Variants in LY75 observed in about 807,000 individuals in gnomAD.
LY75 encodes the protein lymphocyte antigen 75, also known as C-type lectin domain family 13 member B.
LY75 carries 185 observed loss-of-function variants against 231.7 expected under a neutral mutation model. The ratio of observed to expected loss-of-function variants is 0.80; its 90% CI spans 0.71 to 0.90. The LOEUF (loss-of-function observed/expected upper bound fraction) is 0.90. LY75 is among the 40% of genes least tolerant of loss of function. The pLI, the probability that LY75 is intolerant of heterozygous loss-of-function variation, is 0.00. For synonymous variants in LY75, 668 were observed against 689.0 expected, an observed-to-expected ratio of 0.97 and a Z score of 0.48; for missense variants, 1,947 against 2,050.2, an observed-to-expected ratio of 0.95 and a Z score of 0.97.
chr2:159,904,338 CCCCTCTGCACCAGAAGGG>C (rs1348271815), intron 1 of LY75, among the ~76,000 whole-genome samples: 1 of 152,236 alleles, frequency 6.6e-6, no homozygotes, highest in Non-Finnish European at 1.5e-5. Context: ...TGCACCGCGT[CCCCTCTGCACCAGAAGGG>C]CCCTGTCCTC....
intron 5 of LY75, among the ~76,000 whole-genome samples, chr2:159,886,049 G>A (rs1685572433): frequency 6.6e-6 from 1 of 152,156 alleles, no homozygotes; most frequent in Admixed American, 6.5e-5. Flanking sequence ...GTTTGAAAAC[G>A]AGCGGATAAT....
At position 159,878,193 on chromosome 2, in the gene LY75, C is replaced by T. The variant is rs1217033466; in HGVS notation, c.1774+131G>A. The T allele has an allele frequency of 1.7e-5, 21 of 1,261,794 alleles. No homozygotes were observed. In the Admixed American group the frequency reaches 2.6e-4, roughly 15 times the overall value. 78.2% of individuals were successfully genotyped at this position (1,261,794 alleles called of 1,614,324 possible). ...TAGCCACTGCTTCTATTTATGGTTC[C>T]ATAGATAGACTCCAATCCTGAAGAT... On this transcript the variant is annotated intron_variant, in intron 11 of 34. Transcript: ENST00000263636.
chr2:159,835,692 C>A (rs1201850771), intron 25 of LY75, 47 bp from the exon 26 acceptor site: 1 of 1,588,236 alleles, frequency 6.3e-7, no homozygotes, highest in East Asian at 2.3e-5. Context: ...TGATGTTAAC[C>A]CTTTGTATTA....
rs1039685595 is a variant in LY75, at chr2:159,904,731, C to T, written c.-49G>A. On this transcript the variant is annotated 5_prime_UTR_variant, in exon 1 of 35. Coordinates refer to ENST00000263636, the MANE Select transcript of LY75 (RefSeq NM_002349.4). Reference sequence around the variant, plus strand: ...GCCGGGTCCTCGGGCGCACGCGGCTCCCGCCCCGCCTGCTGAGCGCGGCCT... The same window carrying T: ...GCCGGGTCCTCGGGCGCACGCGGCTTCCGCCCCGCCTGCTGAGCGCGGCCT... 2.9e-6 allele frequency: 4 copies of T among 1,368,444 alleles called. No homozygotes were observed. In the African/African-American group the frequency reaches 4.6e-5, roughly 16 times the overall value. The allele number at this position is 1,368,444 out of a possible 1,614,324, so 84.8% of individuals were successfully genotyped here.
chr2:159,863,055 G>A (rs569756341), intron 14 of LY75, among the ~76,000 whole-genome samples: 10 of 146,866 alleles, frequency 6.8e-5, no homozygotes, highest in Admixed American at 4.1e-4. Context: ...GTGATATCAC[G>A]TGGCATTTGT....
At chr2:159,824,068 A>G (rs1683386311) in intron 28 of LY75, among the ~76,000 whole-genome samples, 1 of 152,256 alleles carries the variant, frequency 6.6e-6, no homozygotes, top group Admixed American at 6.5e-5. Context: ...AGCTAGCATC[A>G]TAATGACAGG....
At chr2:159,845,092 T>C (rs1255046102) in intron 23 of LY75, among the ~76,000 whole-genome samples, 2 of 152,172 alleles carry the variant, frequency 1.3e-5, no homozygotes, top group Non-Finnish European at 2.9e-5. Flanking sequence ...GTTGCCATTG[T>C]TAATGACAAT....
In LY75 at chr2:159,864,051, G is replaced by A. The variant is rs144918482; in HGVS notation, c.2199+788C>T. ...GATTTGTTTAAGTATGTTCTATGAT[G>A]TTTGCACAAAAACACTGCCTAACTA... On this transcript the variant is annotated intron_variant, in intron 14 of 34. Coordinates refer to ENST00000263636, the MANE Select transcript of LY75 (RefSeq NM_002349.4). 3.9e-3 allele frequency among the ~76,000 whole-genome samples: 587 copies of A among 152,244 alleles called. 6 individuals carry two copies. Among genetic ancestry groups the A allele is most frequent in the African/African-American group, 0.013 (547 of 41,552 alleles).
At chr2:159,892,727 A>C (rs1183301109) in intron 3 of LY75, among the ~76,000 whole-genome samples, 2 of 152,170 alleles carry the variant, frequency 1.3e-5, no homozygotes, top group African/African-American at 4.8e-5. Context: ...TGTCTCAGTT[A>C]TGTGCCAGAT....
intron 31 of LY75, chr2:159,814,152 C>G (rs979607001): frequency 1.3e-5 from 2 of 152,276 alleles, no homozygotes; most frequent in Admixed American, 6.5e-5. Context: ...CCACCACCCC[C>G]CAGCCTGTCC....
At chr2:159,834,286 G>A in intron 26 of LY75, 75 bp from the exon 27 acceptor site, 2 of 1,566,466 alleles carry the variant, frequency 1.3e-6, no homozygotes, top group Non-Finnish European at 1.7e-6. Flanking sequence ...CATTAGGCTT[G>A]ATTTGTAGGA....
At chr2:159,820,927 C>T (rs1182769512) in intron 28 of LY75, among the ~76,000 whole-genome samples, 1 of 152,164 alleles carries the variant, frequency 6.6e-6, no homozygotes, top group Non-Finnish European at 1.5e-5. Context: ...GCAACCTCCA[C>T]CTCCTGGGTT....
In LY75 at chr2:159,819,891, G is replaced by C. The variant is rs777010505; in HGVS notation, c.3988C>G (p.Pro1330Ala). ...NKSLMWFDKT[P>A]LSYTHWRAGR... ...GCTCTCCAATGTGTATATGACAGTG[G>C]GGTCTTATCAAACCACATAAGAGAC... Residue 1330 changes from proline (P) to alanine (A), a missense_variant, in exon 29 of 35, where the codon CCA becomes GCA. Pro to Ala is a conservative substitution (Grantham distance 27). Coordinates refer to ENST00000263636, the MANE Select transcript of LY75 (RefSeq NM_002349.4). 3.7e-6 allele frequency: 6 copies of C among 1,607,480 alleles called. No individual in the cohort carries two copies. The African/African-American group carries it at 6.7e-5, about 18-fold the overall frequency.
chr2:159,842,040 T>G (rs1313599285), intron 24 of LY75, among the ~76,000 whole-genome samples: 4 of 152,044 alleles, frequency 2.6e-5, no homozygotes, highest in African/African-American at 9.7e-5. Flanking sequence ...ATTAAAAAAT[T>G]TTTTCGGCTT....
intron 16 of LY75, among the ~76,000 whole-genome samples, chr2:159,857,915 A>G (rs891859678): frequency 5.9e-5 from 9 of 152,184 alleles, no homozygotes; most frequent in Non-Finnish European, 1.2e-4. Flanking sequence ...TATATAAAGT[A>G]TTAGCAGTTT....
chr2:159,869,091 T>C (rs867943884), intron 13 of LY75, among the ~76,000 whole-genome samples: 2 of 151,926 alleles, frequency 1.3e-5, no homozygotes, highest in South Asian at 2.1e-4. Flanking sequence ...CAGGTGGGAA[T>C]TGAACAATGA....
chr2:159,827,072 C>G (rs1683494676), intron 28 of LY75, among the ~76,000 whole-genome samples: 1 of 152,124 alleles, frequency 6.6e-6, no homozygotes, highest in African/African-American at 2.4e-5. Flanking sequence ...GTCTAAAACA[C>G]CAAAAGCAAC....
chr2:159,850,791 T>TATATAAAA (rs1553805729), intron 21 of LY75, among the ~76,000 whole-genome samples: 3,791 of 94,462 alleles, frequency 0.04, 437 homozygotes, highest in Non-Finnish European at 0.065. Context: ...TATATATATA[T>TATATAAAA]ATATATATTA....
chr2:159,879,483 A>AT (rs1433281479), intron 8 of LY75, 114 bp from the exon 9 acceptor site: 6 of 1,442,754 alleles, frequency 4.2e-6, no homozygotes, highest in Admixed American at 4.7e-5. Context: ...ATATAAGTGA[A>AT]TTATCAAATG....
Sources: allele counts gnomAD v4.1 joint callset (sites outside exome capture counted in the v4.1 genomes callset), GRCh38; gene constraint gnomAD v4.1.1; transcripts MANE v1.5; gene names NCBI Gene and HGNC (gene_info 2026-07-23, HGNC 2026-07-21).